The following TYW1B variants were observed in gnomAD, a reference collection of about 807,000 sequenced individuals.
TYW1B encodes tRNA-yW synthesizing protein 1 homolog B.
TYW1B carries 73 observed loss-of-function variants against 86.9 expected under a neutral mutation model. That is an observed-to-expected ratio of 0.84 (90% CI 0.70 to 1.02). TYW1B has a LOEUF of 1.02. TYW1B is among the 50% of genes least tolerant of loss of function. The pLI is 0.00. For missense variants in TYW1B, 637 were observed against 827.4 expected, an observed-to-expected ratio of 0.77 and a Z score of 2.82; for synonymous variants, 248 against 292.8, an observed-to-expected ratio of 0.85 and a Z score of 1.56.
intron 11 of TYW1B, among the ~76,000 whole-genome samples, chr7:72,644,800 C>T (rs1275340145): frequency 6.8e-6 from 1 of 147,884 alleles, no homozygotes; most frequent in Non-Finnish European, 1.5e-5. Context: ...TAGAAAATTA[C>T]ATAAGAAACT....
chr7:72,792,979 A>T (rs1200835611), intron 6 of TYW1B, among the ~76,000 whole-genome samples: 1 of 152,222 alleles, frequency 6.6e-6, no homozygotes, highest in Non-Finnish European at 1.5e-5. Context: ...TGAAAAGCGG[A>T]TCCAGGAAAA....
At chr7:72,627,366 T>C (rs1359732647) in intron 12 of TYW1B, among the ~76,000 whole-genome samples, 1 of 151,880 alleles carries the variant, frequency 6.6e-6, no homozygotes, top group Non-Finnish European at 1.5e-5. Flanking sequence ...GAGAATCGCT[T>C]GAACCCGGGA....
At chr7:72,802,759 C>G (rs1369504460) in intron 5 of TYW1B, among the ~76,000 whole-genome samples, 1 of 151,924 alleles carries the variant, frequency 6.6e-6, no homozygotes, top group Non-Finnish European at 1.5e-5. Flanking sequence ...TAGCTAGGAT[C>G]ACAGGCGCCT....
At chr7:72,664,672 T>A (rs1554444977) in intron 11 of TYW1B, among the ~76,000 whole-genome samples, 1 of 152,142 alleles carries the variant, frequency 6.6e-6, no homozygotes, top group Non-Finnish European at 1.5e-5. Flanking sequence ...ACCTGGATGA[T>A]GAGATAATCT....
intron 11 of TYW1B, among the ~76,000 whole-genome samples, chr7:72,655,849 C>T (rs182653272): frequency 6.6e-6 from 1 of 152,288 alleles, no homozygotes; most frequent in East Asian, 1.9e-4. Flanking sequence ...CCCACTCCAC[C>T]TGTCACCGCC....
rs115600927 is a variant in TYW1B, at chr7:72,604,927, T to C, written c.1785+11745A>G. On this transcript the variant is annotated intron_variant, in intron 13 of 13. Coordinates refer to ENST00000620995, the MANE Select transcript of TYW1B (RefSeq NM_001145440.3). Reference sequence around the variant, plus strand: ...GGTCATTGAGCTTTCTGCACCCTTCTATTACGTTGGTGCAAAAGTAATTGT... The same window carrying C: ...GGTCATTGAGCTTTCTGCACCCTTCCATTACGTTGGTGCAAAAGTAATTGT... Among the ~76,000 whole-genome samples, 823 of 152,322 alleles carry C rather than the reference T, an allele frequency of 5.4e-3. 3 individuals carry two copies. The highest frequency in any genetic ancestry group is 0.019 in the African/African-American group (783 of 41,584).
chr7:72,651,104 G>A (rs1735359220), intron 11 of TYW1B, among the ~76,000 whole-genome samples: 1 of 152,200 alleles, frequency 6.6e-6, no homozygotes, highest in Admixed American at 6.5e-5. Context: ...ATAAAGCTAT[G>A]CTAACTTAGT....
At chr7:72,734,518 G>A (rs1554460580) in intron 8 of TYW1B, among the ~76,000 whole-genome samples, 1 of 152,116 alleles carries the variant, frequency 6.6e-6, no homozygotes, top group Non-Finnish European at 1.5e-5. Context: ...TGAAAACACA[G>A]AGGAAACACT....
chr7:72,616,864 A>G, intron 12 of TYW1B, 25 bp from the exon 13 acceptor site: 1 of 1,613,180 alleles, frequency 6.2e-7, no homozygotes, highest in Non-Finnish European at 8.5e-7. Flanking sequence ...TAACCATCAG[A>G]GATGACTACA....
At chr7:72,818,085 A>C (rs1554479773) in intron 2 of TYW1B, among the ~76,000 whole-genome samples, 3 of 151,358 alleles carry the variant, frequency 2.0e-5, no homozygotes, top group Non-Finnish European at 4.4e-5. Context: ...TTAAAAAAAA[A>C]AAAAAAGCCT....
rs1337364833 is a variant in TYW1B, at chr7:72,730,385, C to CA, written c.1083-1455dup. ...AGAAATTCAACAGAGATAGATATCA[C>CA]AAAAAAGAGCCAAACAGAAAACTTG... is the stretch of plus-strand genomic sequence containing the variant. On this transcript the variant is annotated intron_variant, in intron 8 of 13. Transcript: ENST00000620995. 2.0e-5 allele frequency among the ~76,000 whole-genome samples: 3 copies of CA among 148,742 alleles called. No homozygotes were observed. In the East Asian group the frequency reaches 5.9e-4, roughly 29 times the overall value.
intron 11 of TYW1B, among the ~76,000 whole-genome samples, chr7:72,651,127 CAA>C (rs1813044521): frequency 6.6e-6 from 1 of 152,066 alleles, no homozygotes; most frequent in South Asian, 2.1e-4. Flanking sequence ...GGTAATGTGA[CAA>C]GAGAGAAAAA....
At chr7:72,747,920 C>T (rs1787423348) in intron 7 of TYW1B, among the ~76,000 whole-genome samples, 1 of 152,112 alleles carries the variant, frequency 6.6e-6, no homozygotes, top group Non-Finnish European at 1.5e-5. Flanking sequence ...ATATTACTTT[C>T]GTTGGAGTGA....
intron 11 of TYW1B, among the ~76,000 whole-genome samples, chr7:72,682,710 A>G (rs1813904536): frequency 6.6e-6 from 1 of 152,238 alleles, no homozygotes; most frequent in South Asian, 2.1e-4. Flanking sequence ...GTGAGGTCAC[A>G]GGGCAAACCT....
chr7:72,766,555 C>T (rs1356712628), intron 7 of TYW1B, among the ~76,000 whole-genome samples: 2 of 128,458 alleles, frequency 1.6e-5, no homozygotes, highest in Admixed American at 9.4e-5. Context: ...CAGAGGTTGC[C>T]GTGAGCCAAG....
intron 7 of TYW1B, among the ~76,000 whole-genome samples, chr7:72,746,283 A>G (rs1787393267): frequency 1.3e-5 from 2 of 152,206 alleles, no homozygotes; most frequent in African/African-American, 4.8e-5. Context: ...GCATTTGAAA[A>G]AAAGGAGTGA....
chr7:72,595,041 A>G (rs1256277076), intron 13 of TYW1B, among the ~76,000 whole-genome samples: 2 of 152,224 alleles, frequency 1.3e-5, no homozygotes, highest in Non-Finnish European at 2.9e-5. Context: ...ATCATACTCA[A>G]TAGTAAAACA....
In TYW1B at chr7:72,807,210, C is replaced by T; in HGVS notation, c.579G>A (p.Gln193=). The change falls in exon 5 of 14, where the codon CAG becomes CAA. Residue 193 remains glutamine (Q), a synonymous_variant. Transcript: ENST00000620995. ...TCTCCCCTTTCTGAAGTGCCTGCAGCTGGGAGATGAACTTGGTCTTCCATG... is the reference window on the plus strand; with the variant it reads ...TCTCCCCTTTCTGAAGTGCCTGCAGTTGGGAGATGAACTTGGTCTTCCATG... ...FRAWKTKFIS[Q]LQALQKGERK... 1.2e-6 allele frequency: 2 copies of T among 1,614,086 alleles called. No individual in the cohort carries two copies. Among genetic ancestry groups the T allele is most frequent in the South Asian group, 1.1e-5 (1 of 91,072 alleles).
intron 11 of TYW1B, among the ~76,000 whole-genome samples, chr7:72,647,809 CG>C (rs1812965605): frequency 6.6e-6 from 1 of 152,024 alleles, no homozygotes; most frequent in Admixed American, 6.6e-5. Flanking sequence ...CTCAGCCTCC[CG>C]AGTAGCTGGA....
Sources: allele counts gnomAD v4.1 joint callset (sites outside exome capture counted in the v4.1 genomes callset), GRCh38; gene constraint gnomAD v4.1.1; transcripts MANE v1.5; gene names NCBI Gene and HGNC (gene_info 2026-07-23, HGNC 2026-07-21).